The following R3HDM1 variants were observed in gnomAD, a reference collection of about 807,000 sequenced individuals.
The protein encoded by R3HDM1 is R3H domain-containing protein 1.
A neutral mutation model predicts 141.1 loss-of-function variants in R3HDM1; 46 were observed. That is an observed-to-expected ratio of 0.33 (90% confidence interval 0.26 to 0.42). R3HDM1 has a LOEUF of 0.42. Ranked by LOEUF, R3HDM1 falls within the 10% of genes least tolerant of loss-of-function variation. The pLI, the probability that R3HDM1 is intolerant of heterozygous loss-of-function variation, is 1.00. For missense variants in R3HDM1, 1,184 were observed against 1,368.3 expected (o/e 0.87, Z 2.12); for synonymous variants, 435 against 472.9 (o/e 0.92, Z 1.04).
At chr2:135,674,331 A>G (rs1041892740) in intron 19 of R3HDM1, among the ~76,000 whole-genome samples, 9 of 152,306 alleles carry the variant, frequency 5.9e-5, no homozygotes, top group African/African-American at 2.2e-4. Context: ...CAGGGAAACA[A>G]TTTCATTGCC....
intron 1 of R3HDM1, among the ~76,000 whole-genome samples, chr2:135,596,288 G>A (rs80031687): frequency 1.3e-5 from 2 of 152,054 alleles, no homozygotes; most frequent in Non-Finnish European, 2.9e-5. Flanking sequence ...ATGAGCCACC[G>A]CGCCCAGCCT....
At position 135,724,123 on chromosome 2, in the gene R3HDM1, C is replaced by G. The variant is rs1164029483; in HGVS notation, c.3236C>G (p.Ser1079Cys). Reference sequence around the variant, plus strand: ...GACAACACTGCCAACCCTGAACGCTCTAAACCCAGTGACTTGGCCTCCACC... The same window carrying G: ...GACAACACTGCCAACCCTGAACGCTGTAAACCCAGTGACTTGGCCTCCACC... Reference protein sequence around the residue: ...SGDNTANPERSKPSDLASTYT... With the variant: ...SGDNTANPERCKPSDLASTYT... The change falls in exon 27 of 27, where the codon TCT becomes TGT. Residue 1079 changes from serine (S) to cysteine (C), a missense_variant. Physicochemically the swap from Ser to Cys is moderately radical, Grantham distance 112. Coordinates refer to ENST00000683871, the MANE Select transcript of R3HDM1 (RefSeq NM_001378107.1). 1.9e-6 allele frequency: 3 copies of G among 1,613,962 alleles called. No individual in the cohort carries two copies. Among genetic ancestry groups the G allele is most frequent in the Non-Finnish European group, 1.7e-6 (2 of 1,180,024 alleles).
chr2:135,594,372 A>G (rs1210583395), intron 1 of R3HDM1, among the ~76,000 whole-genome samples: 2 of 152,204 alleles, frequency 1.3e-5, no homozygotes, highest in East Asian at 3.9e-4. Flanking sequence ...CATTTAGCCT[A>G]TTATATAGCC....
At chr2:135,633,600 A>G (rs2062945640) in intron 9 of R3HDM1, 1 of 152,002 alleles carries the variant, frequency 6.6e-6, no homozygotes, top group South Asian at 2.1e-4. Context: ...CTTTTTATAT[A>G]TATATATCTT....
intron 21 of R3HDM1, among the ~76,000 whole-genome samples, chr2:135,690,969 G>A (rs1280703786): frequency 1.3e-5 from 2 of 152,136 alleles, no homozygotes; most frequent in Non-Finnish European, 2.9e-5. Flanking sequence ...ATCCATAATT[G>A]ATCACACCGA....
intron 21 of R3HDM1, among the ~76,000 whole-genome samples, chr2:135,704,975 T>C (rs1220959332): frequency 1.3e-5 from 2 of 152,236 alleles, no homozygotes; most frequent in African/African-American, 2.4e-5. Context: ...TTTTAATTAC[T>C]CCCTTGGCAT....
At chr2:135,696,606 G>A (rs1045047799) in intron 21 of R3HDM1, among the ~76,000 whole-genome samples, 2 of 151,720 alleles carry the variant, frequency 1.3e-5, no homozygotes, top group Non-Finnish European at 2.9e-5. Context: ...ATCCTCCTGC[G>A]TCAGCCTCCC....
intron 3 of R3HDM1, 30 bp from the exon 4 acceptor site, chr2:135,616,122 A>G (rs1362519597): frequency 2.5e-6 from 4 of 1,603,510 alleles, no homozygotes; most frequent in Admixed American, 3.3e-5. Flanking sequence ...TCAGTATGAA[A>G]TTTAATACAA....
intron 21 of R3HDM1, among the ~76,000 whole-genome samples, chr2:135,694,829 A>C (rs970932507): frequency 1.3e-5 from 2 of 152,182 alleles, no homozygotes; most frequent in African/African-American, 4.8e-5. Flanking sequence ...ATATGTTTGC[A>C]AACACTACTT....
At chr2:135,721,575 CTTT>C (rs1039257367) in intron 24 of R3HDM1, 1 of 184,082 alleles carries the variant, frequency 5.4e-6, no homozygotes, top group Non-Finnish European at 1.2e-5. Flanking sequence ...CTGGCAAGTA[CTTT>C]TTGTTTTATT....
intron 1 of R3HDM1, among the ~76,000 whole-genome samples, chr2:135,582,187 AG>A (rs756991236): frequency 7.6e-4 from 115 of 152,216 alleles, no homozygotes; most frequent in Non-Finnish European, 1.4e-3. Context: ...AAAATTAGCC[AG>A]GCATGGTGGC....
At chr2:135,581,479 C>G in intron 1 of R3HDM1, 1 of 841,402 alleles carries the variant, frequency 1.2e-6, no homozygotes, top group Non-Finnish European at 1.4e-6. Context: ...TTGACCTCAC[C>G]TGACTGACTA....
At chr2:135,537,812 G>T (rs576991543) in intron 1 of R3HDM1, among the ~76,000 whole-genome samples, 1 of 151,814 alleles carries the variant, frequency 6.6e-6, no homozygotes, top group East Asian at 1.9e-4. Context: ...ATGAGCCACC[G>T]CACCCAGTGG....
chr2:135,531,838 G>A, intron 1 of R3HDM1: 6 of 985,432 alleles, frequency 6.1e-6, no homozygotes, highest in Non-Finnish European at 7.2e-6. Flanking sequence ...CCCGCCGTTA[G>A]GTCGGGTTCC....
At position 135,681,321 on chromosome 2, in the gene R3HDM1, G is replaced by C. The variant is rs113316976; in HGVS notation, c.2459+997G>C. Among the ~76,000 whole-genome samples, 206 of 152,342 alleles carry C rather than the reference G, an allele frequency of 1.4e-3. 2 individuals carry two copies. The highest frequency in any genetic ancestry group is 4.4e-3 in the African/African-American group (181 of 41,590). ...GAGAAAATATTTTATTCACAAGGCT[G>C]CTTGTGAAAGGAGATGGGAAAACAA... On this transcript the variant is annotated intron_variant, in intron 21 of 26. Coordinates refer to ENST00000683871, the MANE Select transcript of R3HDM1 (RefSeq NM_001378107.1).
intron 3 of R3HDM1, among the ~76,000 whole-genome samples, chr2:135,615,039 A>G (rs2060891337): frequency 6.6e-6 from 1 of 152,162 alleles, no homozygotes; most frequent in Admixed American, 6.5e-5. Flanking sequence ...TTTCTTCTGT[A>G]TAAGAAACAA....
In R3HDM1 at chr2:135,724,001, G is replaced by T; in HGVS notation, c.3114G>T (p.Lys1038Asn). The T allele has an allele frequency of 1.2e-6, 2 of 1,614,026 alleles. No individual in the cohort carries two copies. Among genetic ancestry groups the T allele is most frequent in the Non-Finnish European group, 1.7e-6 (2 of 1,180,032 alleles). The change falls in exon 27 of 27, where the codon AAG becomes AAT. Residue 1038 changes from lysine (K) to asparagine (N), a missense_variant. This residue lies in a region of R3HDM1 where 182 missense variants were observed against 252.6 expected (regional missense o/e 0.72). Transcript: ENST00000683871. ...GAATAACTCGCATGGAAGCTGAAAAGCTTTTTGGGGAACTCTTTAAAATTG... is the reference window on the plus strand; with the variant it reads ...GAATAACTCGCATGGAAGCTGAAAATCTTTTTGGGGAACTCTTTAAAATTG... ...PDGITRMEAEKLFGELFKIGA... is the reference protein window; with the variant it reads ...PDGITRMEAENLFGELFKIGA...
chr2:135,547,767 C>CTTTT (rs56950620), intron 1 of R3HDM1, among the ~76,000 whole-genome samples: 2,464 of 107,328 alleles, frequency 0.023, no homozygotes, highest in African/African-American at 0.055. Flanking sequence ...TTTTTCTTTT[C>CTTTT]TTTTTTTTTT....
chr2:135,720,984 G>A (rs943519237), intron 24 of R3HDM1, among the ~76,000 whole-genome samples: 3 of 152,076 alleles, frequency 2.0e-5, no homozygotes, highest in African/African-American at 7.2e-5. Context: ...TTTCATACGG[G>A]ATGTTAGGAT....
Sources: allele counts gnomAD v4.1 joint callset (sites outside exome capture counted in the v4.1 genomes callset), GRCh38; gene constraint gnomAD v4.1.1; regional missense constraint gnomAD v4.1.1; transcripts MANE v1.5; gene names NCBI Gene and HGNC (gene_info 2026-07-23, HGNC 2026-07-21).